TECRL: variants seen among roughly 807,000 people sequenced by gnomAD.
TECRL encodes the protein trans-2,3-enoyl-CoA reductase-like.
Under a neutral mutation model 52.8 loss-of-function variants are expected in TECRL, and 63 were observed. The observed-to-expected ratio is 1.19, with a 90% CI of 0.97 to 1.47. The LOEUF (loss-of-function observed/expected upper bound fraction) is 1.47. TECRL is among the 40% of genes most tolerant of loss of function. The pLI, the probability that TECRL is intolerant of heterozygous loss-of-function variation, is 0.00. For synonymous variants in TECRL, 164 were observed against 141.9 expected (o/e 1.16, Z -1.10); for missense variants, 482 against 429.6 (o/e 1.12, Z -1.08).
chr4:64,391,146 G>A (rs1338485953), intron 1 of TECRL, among the ~76,000 whole-genome samples: 1 of 151,726 alleles, frequency 6.6e-6, no homozygotes, highest in African/African-American at 2.4e-5. Flanking sequence ...ACATTAGAGA[G>A]AACAATGAAA....
rs1301844824 is a variant in TECRL at position 64,341,956 on chromosome 4, A to G, written c.287-13400T>C. Reference sequence around the variant, plus strand: ...TCACTCACACACCCTTTGTCACTCCACACCTGACTTCAGTTTCCCTTCGAG... The same window carrying G: ...TCACTCACACACCCTTTGTCACTCCGCACCTGACTTCAGTTTCCCTTCGAG... On this transcript the variant is annotated intron_variant, in intron 2 of 11. Coordinates refer to ENST00000381210, the MANE Select transcript of TECRL (RefSeq NM_001010874.5). Among the ~76,000 whole-genome samples, 4 of 152,212 alleles carry G rather than the reference A, an allele frequency of 2.6e-5. No homozygotes were observed. The East Asian group carries it at 5.8e-4, about 22-fold the overall frequency.
At chr4:64,332,593 A>G (rs1718723696) in intron 2 of TECRL, among the ~76,000 whole-genome samples, 1 of 152,224 alleles carries the variant, frequency 6.6e-6, no homozygotes, top group Non-Finnish European at 1.5e-5. Flanking sequence ...ATTCAGATAA[A>G]GTTTTCATAC....
At chr4:64,289,113 G>A (rs1723237592) in intron 9 of TECRL, among the ~76,000 whole-genome samples, 1 of 152,124 alleles carries the variant, frequency 6.6e-6, no homozygotes, top group Non-Finnish European at 1.5e-5. Context: ...TGGCAAAAAT[G>A]TGTTGATTAT....
chr4:64,305,286 T>C, intron 6 of TECRL, 48 bp from the exon 7 acceptor site: 1 of 1,527,054 alleles, frequency 6.5e-7, no homozygotes, highest in Non-Finnish European at 9.0e-7. Flanking sequence ...ATATGTAATA[T>C]ATATTTCAAT....
chr4:64,327,668 G>T (rs972297635), intron 3 of TECRL, among the ~76,000 whole-genome samples: 3 of 151,966 alleles, frequency 2.0e-5, no homozygotes, highest in Non-Finnish European at 4.4e-5. Context: ...TGAACATACA[G>T]TTCTCAGAGA....
chr4:64,297,779 T>C (rs899370164), intron 8 of TECRL, among the ~76,000 whole-genome samples: 1 of 151,172 alleles, frequency 6.6e-6, no homozygotes, highest in Non-Finnish European at 1.5e-5. Flanking sequence ...TTTATGTTTA[T>C]ATGCAAACTC....
chr4:64,313,302 T>C (rs1717194006), intron 5 of TECRL, among the ~76,000 whole-genome samples: 1 of 148,518 alleles, frequency 6.7e-6, no homozygotes, highest in African/African-American at 2.5e-5. Flanking sequence ...GTTCAGGTCT[T>C]TTTTTTTTTC....
At chr4:64,292,507 A>C (rs1004006637) in intron 8 of TECRL, among the ~76,000 whole-genome samples, 2 of 152,034 alleles carry the variant, frequency 1.3e-5, no homozygotes, top group Non-Finnish European at 2.9e-5. Context: ...AAGAAATAGT[A>C]CTTGAACACT....
intron 2 of TECRL, among the ~76,000 whole-genome samples, chr4:64,348,796 C>T (rs1329249101): frequency 6.6e-6 from 1 of 152,062 alleles, no homozygotes. Context: ...TACAATTTTT[C>T]ATGGTTCCCG....
intron 1 of TECRL, among the ~76,000 whole-genome samples, chr4:64,393,805 G>C (rs535745477): frequency 4.6e-5 from 7 of 151,944 alleles, no homozygotes; most frequent in Admixed American, 1.3e-4. Context: ...AAGAAGGTCA[G>C]AGTCCCAGTT....
chr4:64,290,809 C>A (rs895084195), intron 8 of TECRL, among the ~76,000 whole-genome samples: 4 of 152,054 alleles, frequency 2.6e-5, no homozygotes, highest in African/African-American at 9.7e-5. Flanking sequence ...TTAAAATAAT[C>A]ATCTTCAATA....
At chr4:64,378,715 T>C (rs1722569789) in intron 1 of TECRL, among the ~76,000 whole-genome samples, 1 of 152,046 alleles carries the variant, frequency 6.6e-6, no homozygotes, top group Non-Finnish European at 1.5e-5. Context: ...ATTTTCACTA[T>C]GAATAAAATT....
At chr4:64,306,756 C>T (rs1724364230) in intron 6 of TECRL, among the ~76,000 whole-genome samples, 1 of 152,190 alleles carries the variant, frequency 6.6e-6, no homozygotes. Flanking sequence ...CTTCTTATTT[C>T]CATGAGAGAA....
At chr4:64,327,618 A>C (rs1298649015) in intron 3 of TECRL, among the ~76,000 whole-genome samples, 1 of 152,060 alleles carries the variant, frequency 6.6e-6, no homozygotes, top group Non-Finnish European at 1.5e-5. Flanking sequence ...AGAGAATCAG[A>C]AAAGTGTGGC....
chr4:64,382,215 ATATATATATATATATATATAG>A (rs1560545375), intron 1 of TECRL, among the ~76,000 whole-genome samples: 132 of 3,230 alleles, frequency 0.041, 2 homozygotes, highest in East Asian at 0.12. Context: ...ATATATATAT[ATATATATATATATATATATAG>A]TATTATGTAT....
chr4:64,324,695 G>A (rs1395298393), intron 3 of TECRL, among the ~76,000 whole-genome samples: 1 of 151,848 alleles, frequency 6.6e-6, no homozygotes, highest in Non-Finnish European at 1.5e-5. Flanking sequence ...GGTTCTCTGG[G>A]TACTTTATTG....
At chr4:64,393,415 T>C (rs1324601290) in intron 1 of TECRL, among the ~76,000 whole-genome samples, 1 of 151,994 alleles carries the variant, frequency 6.6e-6, no homozygotes, top group Non-Finnish European at 1.5e-5. Context: ...TAAATAATGC[T>C]CCTGCCTTAT....
intron 5 of TECRL, among the ~76,000 whole-genome samples, chr4:64,310,379 C>G (rs1724601592): frequency 6.6e-6 from 1 of 152,120 alleles, no homozygotes; most frequent in African/African-American, 2.4e-5. Flanking sequence ...TTAGCAAGTA[C>G]TAAGATTGAG....
rs1723920790 is a variant in TECRL at position 64,300,026 on chromosome 4, T to C, written c.731-9A>G. ...TTGCCTGTTTCCAAATGCTGGAGAG[T>C]AGAAAAAGAATATGTCATGCAGATA... On this transcript the variant is annotated splice_polypyrimidine_tract_variant and intron_variant, in intron 7 of 11. Transcript: ENST00000381210. 1 of 1,566,292 alleles carries C rather than the reference T, an allele frequency of 6.4e-7. No individual in the cohort carries two copies. Among genetic ancestry groups the C allele is most frequent in the Non-Finnish European group, 8.7e-7 (1 of 1,152,476 alleles).
Sources: gnomAD v4.1 joint callset for allele counts (sites outside exome capture counted in the v4.1 genomes callset) on GRCh38, gnomAD v4.1.1 for gene constraint, MANE v1.5 for transcripts, NCBI Gene and HGNC (gene_info 2026-07-23, HGNC 2026-07-21) for gene names.